The following DENND5B variants were observed in gnomAD, a reference collection of about 807,000 sequenced individuals.
The protein encoded by DENND5B is DENN domain containing 5B, also known as DENN domain-containing protein 5B.
Under a neutral mutation model 140.6 loss-of-function variants are expected in DENND5B, and 34 were observed. The ratio of observed to expected loss-of-function variants is 0.24; its 90% CI spans 0.18 to 0.32. DENND5B has a LOEUF of 0.32. Among genes scored for constraint, DENND5B ranks in the 10% least tolerant of loss-of-function variants. The pLI is 1.00. For synonymous variants in DENND5B, 551 were observed against 562.1 expected, an observed-to-expected ratio of 0.98 and a Z score of 0.28; for missense variants, 1,142 against 1,560.2, an observed-to-expected ratio of 0.73 and a Z score of 4.52.
At chr12:31,500,686 A>C (rs1946971562) in intron 1 of DENND5B, 1 of 148,224 alleles carries the variant, frequency 6.7e-6, no homozygotes, top group Non-Finnish European at 1.3e-5. Flanking sequence ...ACAAAAAAAA[A>C]AAAAAAAAAA....
At chr12:31,518,635 A>G (rs1390724908) in intron 1 of DENND5B, among the ~76,000 whole-genome samples, 1 of 152,046 alleles carries the variant, frequency 6.6e-6, no homozygotes, top group Non-Finnish European at 1.5e-5. Context: ...GCTTTTAATC[A>G]AGCTTTTAGT....
At chr12:31,513,645 T>G (rs1947509416) in intron 1 of DENND5B, among the ~76,000 whole-genome samples, 1 of 152,176 alleles carries the variant, frequency 6.6e-6, no homozygotes, top group South Asian at 2.1e-4. Context: ...CCCATCTATG[T>G]GTTGTGTGGC....
chr12:31,541,675 G>A (rs961634793), intron 1 of DENND5B, among the ~76,000 whole-genome samples: 7 of 152,200 alleles, frequency 4.6e-5, no homozygotes, highest in African/African-American at 1.7e-4. Context: ...GCTACCATAT[G>A]ATCCAGTGAT....
chr12:31,415,406 A>G lies in DENND5B; in HGVS notation c.2513T>C (p.Met838Thr), dbSNP rs199743114. 138 of 1,610,812 alleles carry G rather than the reference A, an allele frequency of 8.6e-5. No individual in the cohort carries two copies. The highest frequency in any genetic ancestry group is 5.6e-4 in the East Asian group (25 of 44,798). ...AAGAGAGACCCTGAGCGTTGGCAAC[A>G]TAACTCCTGAGTCAGATTTTCTTCT... is the stretch of plus-strand genomic sequence containing the variant. ...PERRKSDSGV[M>T]LPTLRVSLIQ... is the part of the protein sequence containing the mutation. Residue 838 changes from methionine (M) to threonine (T), a missense_variant, in exon 12 of 21, where the codon ATG becomes ACG. Met to Thr is a moderately conservative substitution (Grantham distance 81). Around this residue, in one of 5 missense-constraint regions of DENND5B, gnomAD observed 268 missense variants for 349.2 expected, o/e 0.77. Transcript: ENST00000389082.
At chr12:31,443,033 T>C (rs572168220) in intron 6 of DENND5B, 108 bp from the exon 7 acceptor site, 4 of 989,720 alleles carry the variant, frequency 4.0e-6, no homozygotes, top group South Asian at 3.5e-5. Flanking sequence ...TCTGACACTC[T>C]GAAACAGATA....
chr12:31,421,808 T>TCC (rs1943037025), intron 11 of DENND5B, among the ~76,000 whole-genome samples: 1 of 152,170 alleles, frequency 6.6e-6, no homozygotes. Flanking sequence ...TGCCTTGCCC[T>TCC]CCCAAAGTGT....
intron 1 of DENND5B, chr12:31,499,718 C>T (rs1484045016): frequency 1.4e-6 from 2 of 1,379,866 alleles, no homozygotes; most frequent in African/African-American, 3.0e-5. Flanking sequence ...CAAATAAAAA[C>T]AAACAAAAAG....
At chr12:31,494,195 T>TCCACCCCC (rs1178100381) in intron 2 of DENND5B, among the ~76,000 whole-genome samples, 1 of 105,914 alleles carries the variant, frequency 9.4e-6, no homozygotes, top group African/African-American at 3.7e-5. Context: ...CATCCATCCA[T>TCCACCCCC]CCATCCACCT....
rs183829573 is a variant in DENND5B at position 31,455,849 on chromosome 12, G to A, written c.1093-3373C>T. On this transcript the variant is annotated intron_variant, in intron 4 of 20. Transcript: ENST00000389082. Reference sequence around the variant, plus strand: ...AGCCTGACCAACATGGTGAAAGCCCGTCTCTACTAAACACAAAAAATAAGC... The same window carrying A: ...AGCCTGACCAACATGGTGAAAGCCCATCTCTACTAAACACAAAAAATAAGC... 5.3e-5 allele frequency among the ~76,000 whole-genome samples: 8 copies of A among 151,396 alleles called. No homozygotes were observed. The East Asian group carries it at 1.2e-3, about 22-fold the overall frequency.
chr12:31,447,532 A>G lies in DENND5B; in HGVS notation c.1861+6T>C. 1 of 1,596,940 alleles carries G rather than the reference A, an allele frequency of 6.3e-7. No individual in the cohort carries two copies. Among genetic ancestry groups the G allele is most frequent in the Admixed American group, 1.7e-5 (1 of 57,474 alleles). ...TAATTTAATTTAAAAGGCATGGCAA[A>G]TGTACCTGCTTCTTTTAAAGTGCTG... On this transcript the variant is annotated splice_donor_region_variant and intron_variant, in intron 6 of 20. Transcript: ENST00000389082.
rs145132331 is a variant in DENND5B, at chr12:31,505,164, T to C, written c.128-9245A>G. ...ACCCCTGACTATATCGTACCTTCTA[T>C]TGGTAACTGTCTACATTGCTTGTTA... On this transcript the variant is annotated intron_variant, in intron 1 of 20. Coordinates refer to ENST00000389082, the MANE Select transcript of DENND5B (RefSeq NM_144973.4). Among the ~76,000 whole-genome samples the C allele has an allele frequency of 3.9e-3, 591 of 152,294 alleles. 6 individuals carry two copies. The highest frequency in any genetic ancestry group is 0.013 in the African/African-American group (557 of 41,564).
At chr12:31,408,064 G>A (rs540793072) in intron 14 of DENND5B, among the ~76,000 whole-genome samples, 1 of 152,328 alleles carries the variant, frequency 6.6e-6, no homozygotes, top group African/African-American at 2.4e-5. Context: ...GGGAGGTTGA[G>A]GCGGATGGAT....
chr12:31,421,291 C>T (rs1943011078), intron 11 of DENND5B, among the ~76,000 whole-genome samples: 1 of 152,046 alleles, frequency 6.6e-6, no homozygotes, highest in African/African-American at 2.4e-5. Flanking sequence ...GTGACCCATC[C>T]ACCTAGGCCT....
chr12:31,522,207 C>T (rs1167259405), intron 1 of DENND5B, among the ~76,000 whole-genome samples: 1 of 152,174 alleles, frequency 6.6e-6, no homozygotes, highest in African/African-American at 2.4e-5. Flanking sequence ...GTTAGATAAA[C>T]ACCTCTAAAC....
At chr12:31,588,612 G>A (rs1030511038) in intron 1 of DENND5B, among the ~76,000 whole-genome samples, 1 of 152,200 alleles carries the variant, frequency 6.6e-6, no homozygotes, top group African/African-American at 2.4e-5. Flanking sequence ...ACAGGAAAAT[G>A]TTCATAGGTT....
chr12:31,416,077 T>C (rs1942723368), intron 11 of DENND5B, among the ~76,000 whole-genome samples: 1 of 152,074 alleles, frequency 6.6e-6, no homozygotes, highest in South Asian at 2.1e-4. Context: ...TCTGAGGTGA[T>C]CCGCCTGCCT....
At chr12:31,448,262 G>C (rs1225186931) in intron 5 of DENND5B, among the ~76,000 whole-genome samples, 1 of 152,084 alleles carries the variant, frequency 6.6e-6, no homozygotes, top group Non-Finnish European at 1.5e-5. Context: ...AGCCTCCTGA[G>C]TAGCTGGGAC....
intron 4 of DENND5B, among the ~76,000 whole-genome samples, chr12:31,454,301 A>C (rs966931827): frequency 1.3e-5 from 2 of 152,230 alleles, no homozygotes; most frequent in South Asian, 2.1e-4. Context: ...CACCTGTTCC[A>C]AATGTGCACC....
intron 8 of DENND5B, among the ~76,000 whole-genome samples, chr12:31,427,748 TG>T (rs1943314218): frequency 6.6e-6 from 1 of 152,160 alleles, no homozygotes; most frequent in Admixed American, 6.6e-5. Context: ...GTTTATTGGC[TG>T]GTAGTGGGGG....
Sources: allele counts gnomAD v4.1 joint callset (sites outside exome capture counted in the v4.1 genomes callset), GRCh38; gene constraint gnomAD v4.1.1; regional missense constraint gnomAD v4.1.1; transcripts MANE v1.5; gene names NCBI Gene and HGNC (gene_info 2026-07-23, HGNC 2026-07-21).